Variants in MACROD2 observed in about 807,000 individuals in gnomAD.
The protein encoded by MACROD2 is ADP-ribose glycohydrolase MACROD2.
A neutral mutation model predicts 70.4 loss-of-function variants in MACROD2; 36 were observed. That is an observed-to-expected ratio of 0.51 (90% CI 0.39 to 0.68). MACROD2 has a LOEUF of 0.68. Ranked by LOEUF, MACROD2 falls within the 30% of genes least tolerant of loss-of-function variation. The pLI is 0.00. For missense variants in MACROD2, 496 were observed against 538.4 expected (o/e 0.92, Z 0.78); for synonymous variants, 172 against 178.8 (o/e 0.96, Z 0.30).
intron 11 of MACROD2, among the ~76,000 whole-genome samples, chr20:15,935,142 G>T (rs911087076): frequency 6.6e-5 from 10 of 152,152 alleles, no homozygotes; most frequent in Non-Finnish European, 2.9e-5. Flanking sequence ...CCTTTAACCA[G>T]TTGAGAACAA....
At chr20:15,432,483 G>A (rs1283760601) in intron 7 of MACROD2, among the ~76,000 whole-genome samples, 1 of 151,926 alleles carries the variant, frequency 6.6e-6, no homozygotes, top group Non-Finnish European at 1.5e-5. Flanking sequence ...GGCTGGAGGG[G>A]GCTAAACTAG....
At chr20:15,246,852 C>A (rs1372381197) in intron 6 of MACROD2, among the ~76,000 whole-genome samples, 2 of 152,094 alleles carry the variant, frequency 1.3e-5, no homozygotes, top group African/African-American at 4.8e-5. Flanking sequence ...AATAGATAAA[C>A]AAACTATGAT....
intron 5 of MACROD2, among the ~76,000 whole-genome samples, chr20:15,159,736 T>C (rs1401956219): frequency 1.3e-5 from 2 of 151,658 alleles, no homozygotes; most frequent in African/African-American, 4.8e-5. Flanking sequence ...AGAGGTGGTA[T>C]AACACACATA....
At chr20:14,336,413 C>T (rs1018185693) in intron 3 of MACROD2, among the ~76,000 whole-genome samples, 2 of 152,022 alleles carry the variant, frequency 1.3e-5, no homozygotes, top group African/African-American at 4.8e-5. Flanking sequence ...GGGCCTGTTG[C>T]ACTCTTTACC....
intron 4 of MACROD2, among the ~76,000 whole-genome samples, chr20:14,627,709 C>T (rs1984263108): frequency 6.6e-6 from 1 of 152,092 alleles, no homozygotes; most frequent in Non-Finnish European, 1.5e-5. Flanking sequence ...TTCCAAGCAC[C>T]CCCTTTGTGT....
chr20:15,862,116 A>G (rs1375776804), intron 8 of MACROD2, among the ~76,000 whole-genome samples: 1 of 152,224 alleles, frequency 6.6e-6, no homozygotes, highest in African/African-American at 2.4e-5. Flanking sequence ...CACACATTTT[A>G]CTTTTGAGGT....
intron 3 of MACROD2, among the ~76,000 whole-genome samples, chr20:14,104,218 A>T (rs866924661): frequency 1.6e-4 from 25 of 152,310 alleles, no homozygotes; most frequent in African/African-American, 5.5e-4. Flanking sequence ...TTCTTTGAAG[A>T]CAGGGAGTAT....
intron 3 of MACROD2, among the ~76,000 whole-genome samples, chr20:14,388,287 C>A (rs1044171236): frequency 6.6e-6 from 1 of 152,082 alleles, no homozygotes; most frequent in Non-Finnish European, 1.5e-5. Context: ...GCTGGGATTA[C>A]AGGTGTGAGC....
intron 10 of MACROD2, among the ~76,000 whole-genome samples, chr20:15,887,872 C>T (rs1171431066): frequency 5.3e-5 from 8 of 152,066 alleles, no homozygotes; most frequent in African/African-American, 1.9e-4. Flanking sequence ...CATACTAAGA[C>T]TTTGAAATTG....
At chr20:15,770,582 G>A (rs536556716) in intron 8 of MACROD2, among the ~76,000 whole-genome samples, 7 of 152,246 alleles carry the variant, frequency 4.6e-5, no homozygotes, top group Non-Finnish European at 2.9e-5. Flanking sequence ...GAGAGACAGA[G>A]AAAACAATAA....
At chr20:14,431,715 A>T (rs1021351708) in intron 3 of MACROD2, among the ~76,000 whole-genome samples, 1 of 152,204 alleles carries the variant, frequency 6.6e-6, no homozygotes, top group Non-Finnish European at 1.5e-5. Flanking sequence ...TTTAGACATT[A>T]TCTGGTGCAG....
intron 8 of MACROD2, among the ~76,000 whole-genome samples, chr20:15,643,381 G>A (rs142862190): frequency 6.6e-6 from 1 of 152,188 alleles, no homozygotes; most frequent in East Asian, 1.9e-4. Context: ...TGATGTCATT[G>A]AAATGTCATT....
chr20:15,517,197 C>G (rs1374620257), intron 8 of MACROD2, among the ~76,000 whole-genome samples: 8 of 152,182 alleles, frequency 5.3e-5, no homozygotes, highest in African/African-American at 1.7e-4. Context: ...TGCTCCTACC[C>G]TCCAGCCTCC....
chr20:14,521,753 C>A (rs2085171067), intron 4 of MACROD2, among the ~76,000 whole-genome samples: 1 of 152,176 alleles, frequency 6.6e-6, no homozygotes, highest in Non-Finnish European at 1.5e-5. Flanking sequence ...GTAGTCAGTA[C>A]AAGCCCTGGT....
chr20:14,813,978 C>G (rs1481811263), intron 5 of MACROD2, among the ~76,000 whole-genome samples: 2 of 152,018 alleles, frequency 1.3e-5, no homozygotes, highest in Non-Finnish European at 2.9e-5. Context: ...AACCAGCAAC[C>G]AGCTATCTCA....
At chr20:15,310,533 A>G (rs1326173780) in intron 6 of MACROD2, among the ~76,000 whole-genome samples, 1 of 152,230 alleles carries the variant, frequency 6.6e-6, no homozygotes, top group East Asian at 1.9e-4. Context: ...ATAGTAAAAA[A>G]GAGAATGATG....
intron 5 of MACROD2, among the ~76,000 whole-genome samples, chr20:14,848,401 G>A (rs1043974850): frequency 2.0e-5 from 3 of 152,152 alleles, no homozygotes; most frequent in Non-Finnish European, 1.5e-5. Flanking sequence ...CATCCTCTGA[G>A]TTTATAAAAC....
intron 3 of MACROD2, among the ~76,000 whole-genome samples, chr20:14,161,735 C>A (rs1159141537): frequency 6.6e-6 from 1 of 152,088 alleles, no homozygotes; most frequent in Non-Finnish European, 1.5e-5. Flanking sequence ...CGCCACCACA[C>A]CACCACACCC....
At chr20:15,681,066 C>A (rs1029220479) in intron 8 of MACROD2, among the ~76,000 whole-genome samples, 3 of 152,210 alleles carry the variant, frequency 2.0e-5, no homozygotes, top group African/African-American at 7.2e-5. Context: ...TTTGAAGACG[C>A]TCTCAAGTCT....
Sources: allele counts gnomAD v4.1 joint callset (sites outside exome capture counted in the v4.1 genomes callset), GRCh38; gene constraint gnomAD v4.1.1; transcripts MANE v1.5; gene names NCBI Gene and HGNC (gene_info 2026-07-23, HGNC 2026-07-21).